The following CLEC17A variants were observed in gnomAD, a reference collection of about 807,000 sequenced individuals.
The protein encoded by CLEC17A is C-type lectin domain containing 17A, also known as C-type lectin domain family 17, member A.
Under a neutral mutation model 61.3 loss-of-function variants are expected in CLEC17A, and 37 were observed. The ratio of observed to expected loss-of-function variants is 0.60; its 90% CI spans 0.46 to 0.79. The LOEUF (loss-of-function observed/expected upper bound fraction) is 0.79, where lower values mean the gene tolerates loss of function less well. CLEC17A is among the 30% of genes least tolerant of loss of function. The probability of loss-of-function intolerance (pLI) is 0.00; values close to 1 mark genes in which losing one functional copy is unlikely to be tolerated. For synonymous variants in CLEC17A, 168 were observed against 164.9 expected (o/e 1.02, Z -0.14); for missense variants, 418 against 464.7 (o/e 0.90, Z 0.92).
intron 3 of CLEC17A, chr19:14,588,257 G>C (rs1289006949): frequency 6.5e-6 from 1 of 153,426 alleles, no homozygotes; most frequent in African/African-American, 2.4e-5. Context: ...GGAGGCCGAG[G>C]TGGGAGGATC....
intron 12 of CLEC17A, among the ~76,000 whole-genome samples, chr19:14,605,976 G>C (rs1442989279): frequency 6.6e-6 from 1 of 152,070 alleles, no homozygotes; most frequent in Non-Finnish European, 1.5e-5. Context: ...CTAGTCTCAA[G>C]CGATCCTCCC....
intron 3 of CLEC17A, chr19:14,588,405 A>C (rs1486679602): frequency 2.0e-5 from 3 of 151,342 alleles, no homozygotes; most frequent in Admixed American, 2.0e-4. Flanking sequence ...TGGGAGGCTG[A>C]GTCAGGAGGA....
chr19:14,593,948 A>G (rs936171792), intron 4 of CLEC17A, among the ~76,000 whole-genome samples: 7 of 149,136 alleles, frequency 4.7e-5, no homozygotes, highest in Admixed American at 3.3e-4. Flanking sequence ...GGAGACAGAG[A>G]GAGACTCTGT....
chr19:14,595,430 A>G, intron 8 of CLEC17A, 115 bp downstream of exon 8: 1 of 1,136,816 alleles, frequency 8.8e-7, no homozygotes, highest in Non-Finnish European at 1.3e-6. Flanking sequence ...CTGCTCCTTC[A>G]GGACCTGCTG....
In CLEC17A at chr19:14,600,037, G is replaced by T; in HGVS notation, c.749G>T (p.Arg250Leu). 6.2e-7 allele frequency: 1 copy of T among 1,613,804 alleles called. No homozygotes were observed. The highest frequency in any genetic ancestry group is 8.5e-7 in the Non-Finnish European group (1 of 1,179,822). ...CATTCTGTCTGGTTCCCAGACTGCC[G>T]CCGAATTACCTGTCCTGAAGGCTGG... The part of the protein sequence containing the change: ...LVELWGLLDC[R>L]RITCPEGWLP... Residue 250 changes from arginine (R) to leucine (L), a missense_variant, in exon 12 of 14, where the codon CGC becomes CTC. Transcript: ENST00000417570.
rs1002972332 is a variant in CLEC17A, at chr19:14,607,417, A to G, written c.1004+315A>G. Among the ~76,000 whole-genome samples the G allele has an allele frequency of 3.0e-4, 45 of 151,300 alleles. No individual in the cohort carries two copies. In the South Asian group the frequency reaches 3.1e-3, roughly 11 times the overall value. On this transcript the variant is annotated intron_variant, in intron 13 of 13. Transcript: ENST00000417570. ...ACGGGGTTTCACCGTGTTAGCCAGG[A>G]TGGTCTTGATCTCCTGACCTCGTGA...
chr19:14,606,593 T>C (rs2074878034), intron 12 of CLEC17A, among the ~76,000 whole-genome samples: 1 of 146,656 alleles, frequency 6.8e-6, no homozygotes, highest in South Asian at 2.1e-4. Flanking sequence ...GGCGGGAGAA[T>C]CGCTTGAACC....
intron 10 of CLEC17A, 74 bp downstream of exon 10, chr19:14,597,235 T>A (rs1169109465): frequency 7.6e-7 from 1 of 1,322,924 alleles, no homozygotes. Flanking sequence ...AACTCCAAGA[T>A]CCAACCTCAT....
intron 13 of CLEC17A, among the ~76,000 whole-genome samples, chr19:14,607,447 C>T (rs2074918959): frequency 6.6e-6 from 1 of 151,902 alleles, no homozygotes; most frequent in Non-Finnish European, 1.5e-5. Flanking sequence ...TCGTGATCTG[C>T]CCGCCTTGGC....
Position 14,594,621 on chromosome 19 carries a change from T to A in CLEC17A, c.311-11T>A. On this transcript the variant is annotated splice_polypyrimidine_tract_variant and intron_variant, in intron 5 of 13. Coordinates refer to ENST00000417570, the MANE Select transcript of CLEC17A (RefSeq NM_001204118.2). ...TGCTCTGGCCCTGACCAACCATTCC[T>A]CCCTCCTCAGCAAAGGAAACAGAGA... 5 of 1,613,182 alleles carry A rather than the reference T, an allele frequency of 3.1e-6. No homozygotes were observed. In the South Asian group the frequency reaches 5.5e-5, roughly 18 times the overall value.
intron 3 of CLEC17A, among the ~76,000 whole-genome samples, chr19:14,589,268 A>C (rs2074359916): frequency 1.6e-5 from 2 of 127,080 alleles, no homozygotes; most frequent in Non-Finnish European, 3.1e-5. Context: ...TCCAAACCTC[A>C]CCTCATCTTC....
chr19:14,606,983 T>C lies in CLEC17A; in HGVS notation c.895-10T>C. The C allele has an allele frequency of 7.9e-7, 1 of 1,268,132 alleles. No individual in the cohort carries two copies. Among genetic ancestry groups the C allele is most frequent in the Non-Finnish European group, 1.0e-6 (1 of 1,000,452 alleles). 78.6% of individuals were successfully genotyped at this position (1,268,132 alleles called of 1,614,324 possible). ...AGGAATGGCTGGCTGAATGGAATTT[T>C]TATTTGCAGAATTTTGTGGCCAAGG... On this transcript the variant is annotated splice_polypyrimidine_tract_variant and intron_variant, in intron 12 of 13. Coordinates refer to ENST00000417570, the MANE Select transcript of CLEC17A (RefSeq NM_001204118.2).
At chr19:14,582,991 T>TG, upstream of CLEC17A, 1 of 607,384 alleles carries the variant, frequency 1.6e-6, no homozygotes. Flanking sequence ...GTGTGTGTGT[T>TG]TGTGTGAGCA....
intron 10 of CLEC17A, among the ~76,000 whole-genome samples, chr19:14,597,795 G>T (rs189832604): frequency 7.4e-4 from 112 of 152,178 alleles, no homozygotes; most frequent in Non-Finnish European, 1.2e-3. Context: ...GTATAGAAGA[G>T]GTCTCACTAT....
chr19:14,603,391 G>C (rs754151179), intron 12 of CLEC17A, among the ~76,000 whole-genome samples: 3 of 152,090 alleles, frequency 2.0e-5, no homozygotes, highest in African/African-American at 4.8e-5. Flanking sequence ...CTACAAAATG[G>C]GCATAATGAT....
At chr19:14,603,853 C>T (rs1177872372) in intron 12 of CLEC17A, among the ~76,000 whole-genome samples, 12 of 152,138 alleles carry the variant, frequency 7.9e-5, no homozygotes, top group Admixed American at 7.9e-4. Flanking sequence ...ATTGGGGATC[C>T]AGTGATGACC....
chr19:14,595,131 G>A (rs1054184247), intron 7 of CLEC17A, 143 bp from the exon 8 acceptor site: 5 of 939,762 alleles, frequency 5.3e-6, no homozygotes, highest in African/African-American at 3.3e-5. Context: ...CTCAGCCTCC[G>A]ACAGTGCTGG....
At position 14,587,593 on chromosome 19, in the gene CLEC17A, G is replaced by C. The variant is rs548809998; in HGVS notation, c.122-21G>C. ...AGGGAGGAGGGAATGGCTGGGCTCTGACTTGCCTTTCCCCTGGAAGGGACC... is the reference window on the plus strand; with the variant it reads ...AGGGAGGAGGGAATGGCTGGGCTCTCACTTGCCTTTCCCCTGGAAGGGACC... On this transcript the variant is annotated intron_variant, in intron 2 of 13. Coordinates refer to ENST00000417570, the MANE Select transcript of CLEC17A (RefSeq NM_001204118.2). 1.3e-3 allele frequency: 2,001 copies of C among 1,571,230 alleles called. 35 individuals carry two copies. In the East Asian group the frequency reaches 0.026, roughly 20 times the overall value.
upstream of CLEC17A, among the ~76,000 whole-genome samples, chr19:14,582,243 C>T (rs1017463272): frequency 1.2e-4 from 17 of 146,656 alleles, no homozygotes; most frequent in Admixed American, 4.7e-4. Context: ...GACGGAGTCT[C>T]GCTCTGTCAC....
Sources: allele counts gnomAD v4.1 joint callset (sites outside exome capture counted in the v4.1 genomes callset), GRCh38; gene constraint gnomAD v4.1.1; transcripts MANE v1.5; gene names NCBI Gene and HGNC (gene_info 2026-07-23, HGNC 2026-07-21).